The following PCLO variants were observed in gnomAD, a reference collection of about 807,000 sequenced individuals.
The protein encoded by PCLO is piccolo presynaptic cytomatrix protein, also known as protein piccolo.
A neutral mutation model predicts 427.5 loss-of-function variants in PCLO; 82 were observed. The ratio of observed to expected loss-of-function variants is 0.19; its 90% confidence interval spans 0.16 to 0.23. The LOEUF is 0.23. PCLO is among the 10% of genes least tolerant of loss of function. PCLO has a pLI of 1.00. For missense variants in PCLO, 6,239 were observed against 6,115.9 expected (o/e 1.02, Z -0.67); for synonymous variants, 2,357 against 2,155.4 (o/e 1.09, Z -2.59).
chr7:82,835,621 C>T (rs1296092617), intron 16 of PCLO, 46 bp downstream of exon 16: 1 of 1,539,810 alleles, frequency 6.5e-7, no homozygotes, highest in Non-Finnish European at 8.9e-7. Context: ...AAGTATAATT[C>T]AAGACATAGC....
chr7:82,866,939 G>A (rs997029336), intron 10 of PCLO, among the ~76,000 whole-genome samples: 13 of 152,088 alleles, frequency 8.5e-5, no homozygotes, highest in African/African-American at 2.4e-4. Flanking sequence ...GAATTCTTTC[G>A]AGTGGGGGAA....
chr7:82,845,338 C>T lies in PCLO; in HGVS notation c.13979G>A (p.Ser4660Asn). 1 of 1,613,528 alleles carries T rather than the reference C, an allele frequency of 6.2e-7. No homozygotes were observed. Among genetic ancestry groups the T allele is most frequent in the Non-Finnish European group, 8.5e-7 (1 of 1,179,636 alleles). ...TGGTTGCCCAGGGCTGGGAACGGAA[C>T]TGGATCCTGCTGATGTAGGACCTGA... ...VHSGPTSAGS[S>N]SVPSPGQPGS... Residue 4660 changes from serine to asparagine, a missense_variant, in exon 13 of 25, where the codon AGT becomes AAT. This residue lies in a region of PCLO where 877 missense variants were observed against 925.5 expected (regional missense o/e 0.95). Coordinates refer to ENST00000333891, the MANE Select transcript of PCLO (RefSeq NM_033026.6).
chr7:83,079,881 AC>A (rs745605190), intron 3 of PCLO, among the ~76,000 whole-genome samples: 4 of 148,410 alleles, frequency 2.7e-5, no homozygotes, highest in African/African-American at 1.0e-4. Context: ...CTCCTAACTC[AC>A]CCCCCCACAG....
At chr7:82,821,883 T>G in intron 20 of PCLO, 3 of 984,342 alleles carry the variant, frequency 3.0e-6, no homozygotes, top group Non-Finnish European at 3.6e-6. Context: ...TCTTCACAGA[T>G]TTTTCAGAAG....
Position 82,954,328 on chromosome 7 carries a change from C to T in PCLO, c.6625G>A (p.Val2209Ile), listed in dbSNP as rs1216627825. 1 of 1,613,784 alleles carries T rather than the reference C, an allele frequency of 6.2e-7. No homozygotes were observed. Residue 2209 changes from valine to isoleucine, a missense_variant, in exon 5 of 25, where the codon GTT (valine) becomes ATT (isoleucine). Transcript: ENST00000333891. The part of the protein sequence containing the change: ...PITTLDSITT[V>I]YTEPVDMITK... ...ATCATGTCCACTGGCTCTGTATAAACTGTGGTTATGCTATCCAGGGTAGTA... is the reference window on the plus strand; with the variant it reads ...ATCATGTCCACTGGCTCTGTATAAATTGTGGTTATGCTATCCAGGGTAGTA...
Position 82,879,379 on chromosome 7 carries a change from G to A in PCLO, c.13612C>T (p.Leu4538Phe), listed in dbSNP as rs761504176. 1 of 1,612,524 alleles carries A rather than the reference G, an allele frequency of 6.2e-7. No homozygotes were observed. Among genetic ancestry groups the A allele is most frequent in the South Asian group, 1.1e-5 (1 of 90,974 alleles). Reference protein sequence around the residue: ...GEIGAYIAKILPGGSAEQTGK... With the variant: ...GEIGAYIAKIFPGGSAEQTGK... ...GTCTGTTCCGCACTTCCCCCAGGAA[G>A]AATCTTGGCAATATAGGCTCCAATT... Residue 4538 changes from leucine to phenylalanine, a missense_variant, in exon 10 of 25, where the codon CTT becomes TTT. Physicochemically the swap from Leu to Phe is conservative, Grantham distance 22 (BLOSUM62 0). Transcript: ENST00000333891.
intron 3 of PCLO, among the ~76,000 whole-genome samples, chr7:83,092,491 CAAG>C (rs1373367063): frequency 1.3e-5 from 2 of 152,034 alleles, no homozygotes; most frequent in Non-Finnish European, 2.9e-5. Flanking sequence ...GGGGCCAGTC[CAAG>C]AAGTGTACTC....
At chr7:82,842,746 G>A (rs1266382780) in intron 13 of PCLO, among the ~76,000 whole-genome samples, 1 of 151,994 alleles carries the variant, frequency 6.6e-6, no homozygotes, top group Non-Finnish European at 1.5e-5. Flanking sequence ...AATGGGCAGA[G>A]ATTTGGAATA....
intron 20 of PCLO, among the ~76,000 whole-genome samples, chr7:82,807,611 C>A (rs1483696929): frequency 6.6e-6 from 1 of 152,050 alleles, no homozygotes; most frequent in Non-Finnish European, 1.5e-5. Context: ...CCCATTTCTT[C>A]ACTTTTTCAA....
chr7:82,962,380 G>T (rs912822898), intron 4 of PCLO, among the ~76,000 whole-genome samples: 1 of 151,998 alleles, frequency 6.6e-6, no homozygotes, highest in African/African-American at 2.4e-5. Flanking sequence ...GTAATATGTG[G>T]AATCAATATA....
At chr7:82,847,784 A>T (rs1792543091) in intron 10 of PCLO, among the ~76,000 whole-genome samples, 1 of 152,152 alleles carries the variant, frequency 6.6e-6, no homozygotes, top group Non-Finnish European at 1.5e-5. Context: ...TATGCCAGAC[A>T]TCCCTGAATT....
chr7:83,091,616 C>A (rs1327091462), intron 3 of PCLO, among the ~76,000 whole-genome samples: 3 of 152,130 alleles, frequency 2.0e-5, no homozygotes, highest in Non-Finnish European at 4.4e-5. Context: ...GGAATTGCTT[C>A]ATAATTTCTT....
chr7:83,017,123 T>C (rs1378717335), intron 3 of PCLO, among the ~76,000 whole-genome samples: 1 of 151,944 alleles, frequency 6.6e-6, no homozygotes, highest in Non-Finnish European at 1.5e-5. Flanking sequence ...TCAGAAGAAA[T>C]AATTTGAAGA....
intron 6 of PCLO, among the ~76,000 whole-genome samples, chr7:82,943,076 A>C (rs761242137): frequency 6.6e-6 from 1 of 152,148 alleles, no homozygotes; most frequent in Non-Finnish European, 1.5e-5. Context: ...ACAATTTCTC[A>C]ATTTAGGTTA....
intron 6 of PCLO, among the ~76,000 whole-genome samples, chr7:82,935,047 TAAGG>T (rs1488420910): frequency 1.1e-4 from 17 of 151,054 alleles, no homozygotes; most frequent in Admixed American, 6.6e-5. Flanking sequence ...TTTTTTCATA[TAAGG>T]GTTCAAAAAT....
In PCLO at chr7:82,952,080, G is replaced by A; in HGVS notation, c.8873C>T (p.Pro2958Leu). 1.2e-6 allele frequency: 2 copies of A among 1,613,936 alleles called. No homozygotes were observed. The highest frequency in any genetic ancestry group is 2.2e-5 in the East Asian group (1 of 44,876). Residue 2958 changes from proline (P) to leucine (L), a missense_variant, in exon 5 of 25, where the codon CCT becomes CTT. Pro to Leu is a moderately conservative substitution (Grantham distance 98). This residue lies in a region of PCLO where 4,677 missense variants were observed against 4,468.4 expected (regional missense o/e 1.05). Transcript: ENST00000333891. ...PFGRSCTAQQ[P>L]ATTLPEDRFG... ...ACGATCCTCAGGAAGAGTAGTTGCA[G>A]GCTGCTGTGCTGTGCAGCTCCTTCC... is the stretch of plus-strand genomic sequence containing the variant.
At chr7:82,830,914 T>C (rs952921797) in intron 16 of PCLO, among the ~76,000 whole-genome samples, 1 of 152,054 alleles carries the variant, frequency 6.6e-6, no homozygotes, top group Non-Finnish European at 1.5e-5. Flanking sequence ...TTTTCACTTA[T>C]ACACCTAGCA....
intron 6 of PCLO, among the ~76,000 whole-genome samples, chr7:82,944,276 C>A (rs894308063): frequency 2.6e-5 from 4 of 150,978 alleles, no homozygotes; most frequent in African/African-American, 9.7e-5. Flanking sequence ...ATGAATCCTG[C>A]AAAATTGAAA....
chr7:83,136,197 C>G (rs990557268), intron 2 of PCLO, among the ~76,000 whole-genome samples: 7 of 151,980 alleles, frequency 4.6e-5, no homozygotes, highest in African/African-American at 1.7e-4. Flanking sequence ...TGTGTTTCTT[C>G]TAATGGTAAT....
Sources: gnomAD v4.1 joint callset for allele counts (sites outside exome capture counted in the v4.1 genomes callset) on GRCh38, gnomAD v4.1.1 for gene constraint, gnomAD v4.1.1 regional missense constraint, MANE v1.5 for transcripts, NCBI Gene and HGNC (gene_info 2026-07-23, HGNC 2026-07-21) for gene names.